Variants in EPHB1 observed in about 807,000 individuals in gnomAD.
The protein encoded by EPHB1 is EPH receptor B1.
A neutral mutation model predicts 94.4 loss-of-function variants in EPHB1; 30 were observed. The observed-to-expected ratio is 0.32, with a 90% CI of 0.24 to 0.43. EPHB1 has a LOEUF of 0.43. Ranked by LOEUF, EPHB1 falls within the 20% of genes least tolerant of loss-of-function variation. EPHB1 has a pLI of 1.00. For synonymous variants in EPHB1, 522 were observed against 489.1 expected (o/e 1.07, Z -0.89); for missense variants, 1,055 against 1,308.3 (o/e 0.81, Z 2.99).
intron 1 of EPHB1, among the ~76,000 whole-genome samples, chr3:134,862,653 AGCCTTGGTT>A (rs1342863059): frequency 6.6e-6 from 1 of 152,182 alleles, no homozygotes; most frequent in Admixed American, 6.5e-5. Flanking sequence ...TGGAAGCTCC[AGCCTTGGTT>A]GCCGTGTGGC....
chr3:134,900,223 T>C (rs1340056898), intron 1 of EPHB1, among the ~76,000 whole-genome samples: 1 of 152,198 alleles, frequency 6.6e-6, no homozygotes, highest in African/African-American at 2.4e-5. Flanking sequence ...ATGGAGATTG[T>C]TCTGGCTGAG....
intron 1 of EPHB1, among the ~76,000 whole-genome samples, chr3:134,860,678 T>C (rs2037236653): frequency 6.6e-6 from 1 of 150,636 alleles, no homozygotes. Context: ...CTGGGTGTGG[T>C]GGCAGGTGCC....
intron 9 of EPHB1, among the ~76,000 whole-genome samples, chr3:135,176,896 T>A (rs1941994678): frequency 6.6e-6 from 1 of 152,218 alleles, no homozygotes; most frequent in African/African-American, 2.4e-5. Flanking sequence ...CAAAAGCCTT[T>A]GATCTAAAAT....
chr3:135,196,445 G>A (rs561823401), intron 11 of EPHB1, among the ~76,000 whole-genome samples: 1 of 152,212 alleles, frequency 6.6e-6, no homozygotes, highest in Admixed American at 6.5e-5. Context: ...GGAGTGGTGG[G>A]AGCAGGCAGT....
intron 4 of EPHB1, among the ~76,000 whole-genome samples, chr3:135,107,666 A>G (rs1939273210): frequency 6.6e-6 from 1 of 152,218 alleles, no homozygotes; most frequent in African/African-American, 2.4e-5. Flanking sequence ...ATGAACAGAA[A>G]AAGTGACTGG....
At chr3:135,048,674 T>C (rs1025091978) in intron 3 of EPHB1, among the ~76,000 whole-genome samples, 8 of 152,208 alleles carry the variant, frequency 5.3e-5, no homozygotes, top group Non-Finnish European at 1.2e-4. Context: ...CTGCCCCTCG[T>C]GCACGCACAT....
chr3:134,968,941 T>C (rs1227208065), intron 3 of EPHB1, among the ~76,000 whole-genome samples: 3 of 152,268 alleles, frequency 2.0e-5, no homozygotes, highest in African/African-American at 7.2e-5. Flanking sequence ...GTACCATAAT[T>C]TGTGTATCCA....
At chr3:135,107,845 C>T (rs1211774487) in intron 4 of EPHB1, among the ~76,000 whole-genome samples, 1 of 151,914 alleles carries the variant, frequency 6.6e-6, no homozygotes, top group Non-Finnish European at 1.5e-5. Context: ...TTTCTACAGA[C>T]CTCTCTCTCT....
chr3:135,043,959 G>A (rs1936924944), intron 3 of EPHB1, among the ~76,000 whole-genome samples: 1 of 152,202 alleles, frequency 6.6e-6, no homozygotes. Flanking sequence ...CTCTTTGCAG[G>A]TCTGAATGTC....
At chr3:134,858,525 G>A (rs2037174222) in intron 1 of EPHB1, among the ~76,000 whole-genome samples, 1 of 152,118 alleles carries the variant, frequency 6.6e-6, no homozygotes, top group African/African-American at 2.4e-5. Flanking sequence ...GGCAAGGGAT[G>A]ATTTAAAATC....
chr3:135,172,219 A>G (rs1413189201), intron 9 of EPHB1, among the ~76,000 whole-genome samples: 1 of 152,224 alleles, frequency 6.6e-6, no homozygotes, highest in African/African-American at 2.4e-5. Context: ...TGCTGCAGAC[A>G]CCCAGGCAGG....
intron 4 of EPHB1, among the ~76,000 whole-genome samples, chr3:135,125,595 G>A (rs1298628663): frequency 1.3e-5 from 2 of 152,166 alleles, no homozygotes; most frequent in Non-Finnish European, 2.9e-5. Context: ...AAGAATAAAG[G>A]TTTGGTGTTG....
intron 10 of EPHB1, among the ~76,000 whole-genome samples, chr3:135,181,630 A>T (rs1480668011): frequency 6.6e-6 from 1 of 152,128 alleles, no homozygotes; most frequent in African/African-American, 2.4e-5. Flanking sequence ...GCTTAGAGCG[A>T]TGTGTTCTGG....
chr3:134,823,409 G>C (rs556891927), intron 1 of EPHB1, among the ~76,000 whole-genome samples: 74 of 152,150 alleles, frequency 4.9e-4, no homozygotes, highest in Non-Finnish European at 8.4e-4. Context: ...GTCTGCCAGG[G>C]GTTGTGCTGA....
chr3:134,972,648 CA>C (rs1421685349), intron 3 of EPHB1, among the ~76,000 whole-genome samples: 2 of 150,850 alleles, frequency 1.3e-5, no homozygotes, highest in Admixed American at 6.6e-5. Context: ...ATTCAACAAA[CA>C]AGTACTTTTA....
At chr3:134,877,149 A>T (rs572605094) in intron 1 of EPHB1, among the ~76,000 whole-genome samples, 5 of 152,124 alleles carry the variant, frequency 3.3e-5, no homozygotes, top group Non-Finnish European at 7.4e-5. Context: ...ATAGGCGTAG[A>T]CCCTTGATGA....
chr3:134,959,966 CTTTTTTTTTTTT>C (rs61369813), intron 3 of EPHB1, among the ~76,000 whole-genome samples: 260 of 107,212 alleles, frequency 2.4e-3, no homozygotes, highest in African/African-American at 7.6e-3. Flanking sequence ...ACATCTGCAC[CTTTTTTTTTTTT>C]TTTTTTTTTT....
At chr3:135,245,661 C>T (rs950258989) in intron 13 of EPHB1, among the ~76,000 whole-genome samples, 1 of 151,754 alleles carries the variant, frequency 6.6e-6, no homozygotes, top group Admixed American at 6.6e-5. Context: ...CAAAAGTTTG[C>T]AGGGCATAAT....
intron 2 of EPHB1, among the ~76,000 whole-genome samples, chr3:134,942,135 T>A (rs73226295): frequency 3.3e-5 from 5 of 152,194 alleles, no homozygotes; most frequent in African/African-American, 1.2e-4. Context: ...TGGTGGCACC[T>A]GCAGTAAAGA....
Sources: allele counts gnomAD v4.1 joint callset (sites outside exome capture counted in the v4.1 genomes callset), GRCh38; gene constraint gnomAD v4.1.1; transcripts MANE v1.5; gene names NCBI Gene and HGNC (gene_info 2026-07-23, HGNC 2026-07-21).